SECISBP2: variants seen among roughly 807,000 people sequenced by gnomAD.
SECISBP2 encodes SECIS binding protein 2.
A neutral mutation model predicts 98.2 loss-of-function variants in SECISBP2; 96 were observed. The observed-to-expected ratio is 0.98, with a 90% CI of 0.83 to 1.16. The LOEUF (loss-of-function observed/expected upper bound fraction) is 1.16. Among genes scored for constraint, SECISBP2 ranks in the 50% most tolerant of loss-of-function variants. SECISBP2 has a pLI of 0.00. For missense variants in SECISBP2, 1,046 were observed against 1,022.9 expected (o/e 1.02, Z -0.31); for synonymous variants, 407 against 370.2 (o/e 1.10, Z -1.14).
At position 89,336,081 on chromosome 9, in the gene SECISBP2, C is replaced by CTTTTT. The variant is rs59799418; in HGVS notation, c.1089+1374_1089+1378dup. On this transcript the variant is annotated intron_variant, in intron 7 of 16. Transcript: ENST00000375807. ...TTTTTCCCTTAAGTAATTTTAAGTG[C>CTTTTT]TTTTTTTTTTTTTTTTTTTTTTTTT... Among the ~76,000 whole-genome samples, 22 of 33,058 alleles carry CTTTTT rather than the reference C, an allele frequency of 6.7e-4. 5 individuals carry two copies. The highest frequency in any genetic ancestry group is 2.2e-3 in the East Asian group (3 of 1,354). 21.7% of individuals were successfully genotyped at this position (33,058 alleles called of 152,430 possible). A position where few individuals can be genotyped will look rare whatever the true frequency, so the allele number is the denominator to read the frequency against.
intron 14 of SECISBP2, chr9:89,356,889 G>A (rs187135260): frequency 6.8e-4 from 134 of 197,368 alleles, no homozygotes; most frequent in Non-Finnish European, 1.3e-3. Context: ...GTGCTGTTGG[G>A]TTTTCCAGGT....
chr9:89,348,258 C>G, intron 12 of SECISBP2, 44 bp downstream of exon 12: 1 of 1,610,112 alleles, frequency 6.2e-7, no homozygotes, highest in Non-Finnish European at 8.5e-7. Flanking sequence ...TAAACGAGAG[C>G]AACTATGAAA....
chr9:89,342,565 C>G (rs961230071), intron 10 of SECISBP2, among the ~76,000 whole-genome samples: 15 of 152,168 alleles, frequency 9.9e-5, no homozygotes, highest in African/African-American at 3.4e-4. Context: ...TGTGGTATAC[C>G]TACACAATGT....
At chr9:89,326,818 T>C (rs776828289) in intron 4 of SECISBP2, among the ~76,000 whole-genome samples, 5 of 152,182 alleles carry the variant, frequency 3.3e-5, no homozygotes, top group Non-Finnish European at 7.3e-5. Flanking sequence ...GACCATATTA[T>C]TGTACTGAAT....
intron 14 of SECISBP2, chr9:89,354,915 C>G: frequency 1.0e-6 from 1 of 985,434 alleles, no homozygotes; most frequent in Non-Finnish European, 1.2e-6. Context: ...AAGTATACCT[C>G]AGGAATACGG....
At chr9:89,333,385 A>T (rs1828074841) in intron 6 of SECISBP2, among the ~76,000 whole-genome samples, 1 of 152,266 alleles carries the variant, frequency 6.6e-6, no homozygotes, top group African/African-American at 2.4e-5. Flanking sequence ...TTTGCTTAAA[A>T]ATAACAATAA....
At chr9:89,361,556 T>G (rs1369312740), downstream of SECISBP2, 1 of 152,206 alleles carries the variant, frequency 6.6e-6, no homozygotes, top group Non-Finnish European at 1.5e-5. Context: ...CTTTAATAAT[T>G]AGAGACTTGA....
At chr9:89,330,951 T>C (rs983930003) in intron 5 of SECISBP2, among the ~76,000 whole-genome samples, 5 of 152,234 alleles carry the variant, frequency 3.3e-5, no homozygotes, top group African/African-American at 9.6e-5. Flanking sequence ...ATAGAAGATA[T>C]ACATACTGAT....
Position 89,347,142 on chromosome 9 carries a change from C to T in SECISBP2, c.1602+94C>T, listed in dbSNP as rs77873154. On this transcript the variant is annotated intron_variant, in intron 11 of 16. Coordinates refer to ENST00000375807, the MANE Select transcript of SECISBP2 (RefSeq NM_024077.5). ...CCAGCTCTTAGATTTTTAGATTTTACGACTTGTATTACTTGAATATGTTGT... is the reference window on the plus strand; with the variant it reads ...CCAGCTCTTAGATTTTTAGATTTTATGACTTGTATTACTTGAATATGTTGT... The T allele has an allele frequency of 2.0e-3, 2,592 of 1,294,738 alleles. 42 individuals carry two copies. The African/African-American group carries it at 0.033, about 17-fold the overall frequency. The allele number at this position is 1,294,738 out of a possible 1,614,324, so 80.2% of individuals were successfully genotyped here. A position where few individuals can be genotyped will look rare whatever the true frequency, so the allele number is the denominator to read the frequency against.
At chr9:89,321,663 C>T (rs539692423) in intron 2 of SECISBP2, among the ~76,000 whole-genome samples, 52 of 149,310 alleles carry the variant, frequency 3.5e-4, no homozygotes, top group African/African-American at 1.2e-3. Context: ...AAGACTCTCT[C>T]TCAAAAAAAA....
chr9:89,362,422 A>G (rs748202544), downstream of SECISBP2: 1 of 1,613,914 alleles, frequency 6.2e-7, no homozygotes, highest in African/African-American at 1.3e-5. Flanking sequence ...TCCTTGCTAC[A>G]GCTTTCCTGA....
In SECISBP2 at chr9:89,346,955, C is replaced by A. The variant is rs2131926538; in HGVS notation, c.1509C>A (p.Thr503=). The A allele has an allele frequency of 6.2e-7, 1 of 1,614,082 alleles. No homozygotes were observed. The highest frequency in any genetic ancestry group is 1.1e-5 in the South Asian group (1 of 91,070). Residue 503 remains threonine, a synonymous_variant, in exon 11 of 17, where the codon ACC becomes ACA. Transcript: ENST00000375807. ...GCCGCCGCATGAGTCAAATGAAGAC[C>A]CCGCACAATCCCTTGGACTCCAGCG... ...ERGRRMSQMK[T]PHNPLDSSAP... is the part of the protein sequence containing the mutation.
downstream of SECISBP2, chr9:89,361,964 G>A: frequency 3.9e-6 from 1 of 253,874 alleles, no homozygotes; most frequent in Non-Finnish European, 7.8e-6. Context: ...TGCTGGCCAT[G>A]CTAACCCTGT....
chr9:89,352,749 C>G (rs897442840), intron 14 of SECISBP2, among the ~76,000 whole-genome samples: 6 of 151,874 alleles, frequency 4.0e-5, no homozygotes, highest in African/African-American at 1.5e-4. Flanking sequence ...GTTAGAATTT[C>G]TCAACCATAT....
rs1826568002 is a variant in SECISBP2 at position 89,325,656 on chromosome 9, G to T, written c.412G>T (p.Glu138Ter). The T allele has an allele frequency of 6.2e-7, 1 of 1,614,036 alleles. No homozygotes were observed. Among genetic ancestry groups the T allele is most frequent in the Non-Finnish European group, 8.5e-7 (1 of 1,180,020 alleles). ...RNENTCPLPQ[E>*]MKALFKKKTY... ...TGAGAACACATGCCCTCTCCCACAA[G>T]AAATGAAAGCTCTGTTTAAGGTGAG... The change falls in exon 3 of 17, where the codon GAA becomes TAA. Residue 138 changes from glutamate to a stop codon, truncating the protein, a stop_gained. Transcript: ENST00000375807. LOFTEE classifies it high-confidence loss of function.
intron 6 of SECISBP2, chr9:89,334,201 C>T (rs531613259): frequency 4.2e-6 from 5 of 1,198,858 alleles, no homozygotes; most frequent in Non-Finnish European, 5.2e-6. Context: ...ATTCTGTGTG[C>T]TTGCCACGTG....
rs1826467143 is a variant in SECISBP2, at chr9:89,325,141, A to G, written c.183-286A>G. The G allele has an allele frequency of 7.2e-6, 3 of 419,262 alleles. No homozygotes were observed. In the Admixed American group the frequency reaches 1.2e-4, roughly 17 times the overall value. The allele number at this position is 419,262 out of a possible 1,614,324, so 26.0% of individuals were successfully genotyped here. A position where few individuals can be genotyped will look rare whatever the true frequency, so the allele number is the denominator to read the frequency against. On this transcript the variant is annotated intron_variant, in intron 2 of 16. Transcript: ENST00000375807. ...GGGTTGCTGGGAGAGGCTTTCCCAA[A>G]TACTTGGTAGCAATTGGGTGAAAAG...
chr9:89,321,719 C>G (rs1387672157), intron 2 of SECISBP2, among the ~76,000 whole-genome samples: 1 of 151,758 alleles, frequency 6.6e-6, no homozygotes, highest in African/African-American at 2.4e-5. Flanking sequence ...GGTTTATGAC[C>G]AAGGAAAAGT....
intron 9 of SECISBP2, 121 bp from the exon 10 acceptor site, chr9:89,341,226 T>C: frequency 1.0e-6 from 1 of 997,416 alleles, no homozygotes; most frequent in Non-Finnish European, 1.5e-6. Flanking sequence ...TACTTGAATT[T>C]TTAAAAATTC....
Sources: allele counts gnomAD v4.1 joint callset (sites outside exome capture counted in the v4.1 genomes callset), GRCh38; gene constraint gnomAD v4.1.1; transcripts MANE v1.5; gene names NCBI Gene and HGNC (gene_info 2026-07-23, HGNC 2026-07-21).